Variants in MARCHF11 observed in about 807,000 individuals in gnomAD.
MARCHF11 encodes E3 ubiquitin-protein ligase MARCHF11.
In MARCHF11, 29 loss-of-function variants were observed where a neutral mutation model predicts 37.3. The ratio of observed to expected loss-of-function variants is 0.78; its 90% CI spans 0.58 to 1.06. MARCHF11 has a LOEUF of 1.06. Among genes scored for constraint, MARCHF11 ranks in the 50% least tolerant of loss-of-function variants. The pLI is 0.00. For synonymous variants in MARCHF11, 233 were observed against 228.0 expected (o/e 1.02, Z -0.20); for missense variants, 482 against 533.4 (o/e 0.90, Z 0.95).
At chr5:16,132,690 A>T (rs1737537777) in intron 2 of MARCHF11, among the ~76,000 whole-genome samples, 1 of 152,194 alleles carries the variant, frequency 6.6e-6, no homozygotes, top group Non-Finnish European at 1.5e-5. Context: ...TTATTAAAGA[A>T]AATGCAAGGA....
intron 2 of MARCHF11, among the ~76,000 whole-genome samples, chr5:16,177,277 T>C (rs530884899): frequency 2.0e-5 from 3 of 152,340 alleles, no homozygotes; most frequent in African/African-American, 4.8e-5. Context: ...TTAGAACTAA[T>C]AGGTTCAACC....
chr5:16,178,961 G>A (rs948072111), intron 1 of MARCHF11, 78 bp downstream of exon 1: 6 of 1,341,936 alleles, frequency 4.5e-6, no homozygotes, highest in Non-Finnish European at 5.7e-6. Flanking sequence ...GTAGGCGTGC[G>A]CTGTCCGTGG....
At chr5:16,120,704 T>C (rs115956456) in intron 2 of MARCHF11, among the ~76,000 whole-genome samples, 1,972 of 152,304 alleles carry the variant, frequency 0.013, 47 homozygotes, top group African/African-American at 0.045. Flanking sequence ...CCCTTGAATC[T>C]AGGGTTGGCT....
chr5:16,076,800 G>A (rs1210090167), intron 3 of MARCHF11, among the ~76,000 whole-genome samples: 4 of 152,194 alleles, frequency 2.6e-5, no homozygotes, highest in Non-Finnish European at 5.9e-5. Flanking sequence ...CAGGATGCCC[G>A]TGTGCTTGCT....
In MARCHF11 at chr5:16,098,268, C is replaced by T. The variant is rs184470404; in HGVS notation, c.694-7187G>A. Among the ~76,000 whole-genome samples the T allele has an allele frequency of 6.5e-4, 99 of 152,234 alleles. 2 individuals are homozygous for T. The East Asian group carries it at 0.014, about 21-fold the overall frequency. ...CAGGAACTAGGCAAAGATTTTCACC[C>T]GTTTTACTTCTATTCGACCTTGCAC... is the stretch of plus-strand genomic sequence containing the variant. On this transcript the variant is annotated intron_variant, in intron 2 of 3. Coordinates refer to ENST00000332432, the MANE Select transcript of MARCHF11 (RefSeq NM_001102562.3).
At chr5:16,126,647 G>T (rs112363787) in intron 2 of MARCHF11, among the ~76,000 whole-genome samples, 4,485 of 152,200 alleles carry the variant, frequency 0.029, 233 homozygotes, top group African/African-American at 0.1. Flanking sequence ...AAAGCTAAAA[G>T]ATACTATATT....
chr5:16,083,573 G>T (rs541708447), intron 3 of MARCHF11, among the ~76,000 whole-genome samples: 1 of 152,092 alleles, frequency 6.6e-6, no homozygotes, highest in South Asian at 2.1e-4. Flanking sequence ...ATTTTTTTCT[G>T]CTGTAAATTA....
chr5:16,077,324 T>C lies in MARCHF11; in HGVS notation c.887-9531A>G, dbSNP rs566150499. On this transcript the variant is annotated intron_variant, in intron 3 of 3. Transcript: ENST00000332432. ...ATAAATACAACTAATTTTCTGTTTT[T>C]CTCCAACGGATAAACTGTCTACTGC... is the stretch of plus-strand genomic sequence containing the variant. Among the ~76,000 whole-genome samples, 3 of 152,178 alleles carry C rather than the reference T, an allele frequency of 2.0e-5. No homozygotes were observed. The East Asian group carries it at 5.8e-4, about 29-fold the overall frequency.
At chr5:16,144,041 T>A (rs184037106) in intron 2 of MARCHF11, among the ~76,000 whole-genome samples, 4 of 152,210 alleles carry the variant, frequency 2.6e-5, no homozygotes, top group Non-Finnish European at 5.9e-5. Flanking sequence ...TTATCTCTGA[T>A]CAAGTAATCC....
intron 2 of MARCHF11, among the ~76,000 whole-genome samples, chr5:16,117,303 T>C (rs1737239500): frequency 1.3e-5 from 2 of 152,244 alleles, no homozygotes; most frequent in Non-Finnish European, 2.9e-5. Flanking sequence ...AGGGTTCATT[T>C]GGGATGCTGT....
At chr5:16,141,675 T>C (rs1210096482) in intron 2 of MARCHF11, 2 of 152,240 alleles carry the variant, frequency 1.3e-5, no homozygotes, top group African/African-American at 2.4e-5. Flanking sequence ...ATCACTGTAA[T>C]ATTTTGAAGT....
intron 2 of MARCHF11, among the ~76,000 whole-genome samples, chr5:16,104,479 T>A (rs1257861620): frequency 6.6e-6 from 1 of 152,180 alleles, no homozygotes; most frequent in Admixed American, 6.5e-5. Context: ...ATAAATTACA[T>A]CTCAATAAAG....
intron 3 of MARCHF11, among the ~76,000 whole-genome samples, chr5:16,084,493 A>C (rs1369941370): frequency 3.3e-5 from 5 of 152,074 alleles, no homozygotes; most frequent in Non-Finnish European, 4.4e-5. Flanking sequence ...AAATACAAAA[A>C]TTAGCCAGGT....
intron 2 of MARCHF11, among the ~76,000 whole-genome samples, chr5:16,143,491 C>T (rs1241532752): frequency 6.6e-6 from 1 of 152,226 alleles, no homozygotes; most frequent in Admixed American, 6.5e-5. Context: ...GATATTTTCC[C>T]CATCCAACAG....
At chr5:16,167,596 A>G (rs773864290) in intron 2 of MARCHF11, among the ~76,000 whole-genome samples, 1 of 152,060 alleles carries the variant, frequency 6.6e-6, no homozygotes, top group Non-Finnish European at 1.5e-5. Context: ...GCCCAGAAAC[A>G]CTTTCACAGA....
intron 3 of MARCHF11, among the ~76,000 whole-genome samples, chr5:16,089,300 G>A (rs1736753068): frequency 6.6e-6 from 1 of 152,078 alleles, no homozygotes; most frequent in Non-Finnish European, 1.5e-5. Context: ...AATAAACACT[G>A]TCTTTGAATG....
intron 2 of MARCHF11, among the ~76,000 whole-genome samples, chr5:16,096,448 A>G (rs1373598238): frequency 4.6e-5 from 7 of 152,236 alleles, no homozygotes; most frequent in Non-Finnish European, 7.3e-5. Context: ...CCAGAGATGT[A>G]TCAATAGGGT....
chr5:16,178,913 G>GTCT, intron 1 of MARCHF11, 126 bp downstream of exon 1: 1 of 1,189,774 alleles, frequency 8.4e-7, no homozygotes, highest in Non-Finnish European at 1.1e-6. Flanking sequence ...CGCTCACAGG[G>GTCT]CAGAACCAGA....
At chr5:16,139,934 C>T (rs1314337562) in intron 2 of MARCHF11, among the ~76,000 whole-genome samples, 1 of 151,996 alleles carries the variant, frequency 6.6e-6, no homozygotes, top group Non-Finnish European at 1.5e-5. Context: ...AAAACAAAGC[C>T]TCAATAAATT....
Sources: allele counts gnomAD v4.1 joint callset (sites outside exome capture counted in the v4.1 genomes callset), GRCh38; gene constraint gnomAD v4.1.1; transcripts MANE v1.5; gene names NCBI Gene and HGNC (gene_info 2026-07-23, HGNC 2026-07-21).